The following OPHN1 variants were observed in gnomAD, a reference collection of about 807,000 sequenced individuals.
The protein encoded by OPHN1 is oligophrenin 1, also known as oligophrenin-1.
OPHN1 carries 11 observed loss-of-function variants against 60.7 expected under a neutral mutation model. The ratio of observed to expected loss-of-function variants is 0.18; its 90% CI spans 0.11 to 0.30. The LOEUF is 0.30. OPHN1 is among the 10% of genes least tolerant of loss of function. The pLI, the probability that OPHN1 is intolerant of heterozygous loss-of-function variation, is 1.00. For missense variants in OPHN1, 449 were observed against 611.0 expected (o/e 0.73, Z 2.80); for synonymous variants, 226 against 222.6 (o/e 1.02, Z -0.14).
At position 68,119,976 on chromosome X, in the gene OPHN1, T is replaced by C. The variant is rs181114197; in HGVS notation, c.1277-644A>G. On this transcript the variant is annotated intron_variant, in intron 15 of 24. Transcript: ENST00000355520. ...CTCAAGAGAAACTATTTTTACCAGA[T>C]CAAAACCTCCTGGAGTTTTATCAGA... is the stretch of plus-strand genomic sequence containing the variant. Among the ~76,000 whole-genome samples, 3 of 111,338 alleles carry C rather than the reference T, an allele frequency of 2.7e-5. No homozygotes were observed. In the East Asian group the frequency reaches 8.5e-4, roughly 31 times the overall value.
intron 4 of OPHN1, among the ~76,000 whole-genome samples, chrX:68,278,651 C>T (rs748578292): frequency 1.3e-4 from 15 of 113,219 alleles, no homozygotes; most frequent in African/African-American, 4.5e-4. Flanking sequence ...TTTGGGAGGC[C>T]AAGGCGGGTG....
intron 4 of OPHN1, among the ~76,000 whole-genome samples, chrX:68,281,492 T>C (rs1054502120): frequency 9.0e-6 from 1 of 111,150 alleles, no homozygotes; most frequent in African/African-American, 3.3e-5. Context: ...TAGGAGAAAA[T>C]CTGGGTGACC....
chrX:68,271,804 G>C (rs1452949673), intron 5 of OPHN1, among the ~76,000 whole-genome samples: 1 of 110,885 alleles, frequency 9.0e-6, no homozygotes, highest in Admixed American at 9.6e-5. Context: ...GGTAATAGCT[G>C]CATGATAACT....
At chrX:68,265,197 G>A (rs920808991) in intron 5 of OPHN1, among the ~76,000 whole-genome samples, 6 of 111,952 alleles carry the variant, frequency 5.4e-5, no homozygotes, top group African/African-American at 1.6e-4. Context: ...TTCCCAGCAC[G>A]CAGCTGGAGA....
chrX:68,098,666 A>C (rs1678174500), intron 18 of OPHN1, among the ~76,000 whole-genome samples: 1 of 111,812 alleles, frequency 8.9e-6, no homozygotes, highest in African/African-American at 3.3e-5. Context: ...TAACAGTTTC[A>C]ATACCCCTGC....
chrX:68,327,933 C>T (rs1213058979), intron 2 of OPHN1, among the ~76,000 whole-genome samples: 20 of 98,406 alleles, frequency 2.0e-4, no homozygotes, highest in East Asian at 3.2e-4. Context: ...GGGTTCACGC[C>T]ATTCTCCTGC....
In OPHN1 at chrX:68,043,760, C is replaced by A. The variant is rs1296067437; in HGVS notation, c.*3412G>T. The A allele has an allele frequency of 8.9e-6, 1 of 111,949 alleles. No individual in the cohort carries two copies. The highest frequency in any genetic ancestry group is 3.2e-5 in the African/African-American group (1 of 30,812). 9.2% of individuals were successfully genotyped at this position (111,949 alleles called of 1,213,427 possible). A position where few individuals can be genotyped will look rare whatever the true frequency, so the allele number is the denominator to read the frequency against. On this transcript the variant is annotated 3_prime_UTR_variant, in exon 25 of 25. Transcript: ENST00000355520. The stretch of plus-strand genomic sequence containing the variant: ...CTTCAAAAATAAAAATTCAATATTT[C>A]TTTTTGTAAGCCATCTCTTGATTTT...
At chrX:68,104,118 G>T (rs561549591) in intron 18 of OPHN1, among the ~76,000 whole-genome samples, 2 of 111,499 alleles carry the variant, frequency 1.8e-5, no homozygotes, top group South Asian at 7.6e-4. Flanking sequence ...GGACGTGAAG[G>T]GCCTCTTCAA....
chrX:68,122,953 G>A (rs960678881), intron 15 of OPHN1, among the ~76,000 whole-genome samples: 3 of 111,128 alleles, frequency 2.7e-5, no homozygotes, highest in Non-Finnish European at 5.7e-5. Context: ...TAGTATCAGC[G>A]ATATCAACTT....
intron 6 of OPHN1, among the ~76,000 whole-genome samples, chrX:68,233,007 C>T (rs2077735916): frequency 9.3e-6 from 1 of 107,746 alleles, no homozygotes; most frequent in South Asian, 4.2e-4. Context: ...CAGCTCACTG[C>T]AACCTCCGCC....
chrX:68,197,201 C>G lies in OPHN1; in HGVS notation c.1089G>C (p.Met363Ile). The G allele has an allele frequency of 1.7e-6, 2 of 1,208,743 alleles. No homozygotes were observed. Among genetic ancestry groups the G allele is most frequent in the Non-Finnish European group, 2.2e-6 (2 of 893,209 alleles). ...GGTAACTTACAGGTTCTTTCCCATC[C>G]ATGGCTTCCATCCATAGCCTTCTGT... ...EANRRLWMEA[M>I]DGKEPIYHSP... The change falls in exon 12 of 25, where the codon ATG (methionine) becomes ATC (isoleucine). Residue 363 changes from methionine to isoleucine, a missense_variant. By Grantham distance (10) the Met-to-Ile change is conservative. Coordinates refer to ENST00000355520, the MANE Select transcript of OPHN1 (RefSeq NM_002547.3).
chrX:68,379,113 C>A (rs2078579487), intron 2 of OPHN1, among the ~76,000 whole-genome samples: 1 of 110,664 alleles, frequency 9.0e-6, no homozygotes, highest in East Asian at 2.9e-4. Context: ...TTTCATTGAG[C>A]AGTGGTTTGT....
intron 5 of OPHN1, 37 bp from the exon 6 acceptor site, chrX:68,234,625 G>A (rs1357455223): frequency 3.0e-6 from 3 of 1,001,828 alleles, no homozygotes; most frequent in African/African-American, 3.7e-5. Flanking sequence ...TTAAATGTCT[G>A]TAGTTGTAAC....
chrX:68,048,370 G>C lies in OPHN1; in HGVS notation c.*8+46C>G, dbSNP rs953964028. Reference sequence around the variant, plus strand: ...CAAAATATCAGATCCCGTAATGAAGGCTTATGTGGAACAAGATTTTGTAAT... The same window carrying C: ...CAAAATATCAGATCCCGTAATGAAGCCTTATGTGGAACAAGATTTTGTAAT... On this transcript the variant is annotated intron_variant, in intron 24 of 24. Coordinates refer to ENST00000355520, the MANE Select transcript of OPHN1 (RefSeq NM_002547.3). 3 of 1,108,442 alleles carry C rather than the reference G, an allele frequency of 2.7e-6. No homozygotes were observed. In the African/African-American group the frequency reaches 5.4e-5, roughly 20 times the overall value. The allele number at this position is 1,108,442 out of a possible 1,213,427, so 91.3% of individuals were successfully genotyped here.
rs1009950719 is a variant in OPHN1, at chrX:68,205,685, A to G, written c.933+888T>C. Among the ~76,000 whole-genome samples the G allele has an allele frequency of 3.6e-5, 4 of 111,469 alleles. No individual in the cohort carries two copies. In the East Asian group the frequency reaches 1.1e-3, roughly 31 times the overall value. ...GCCACACAAGAGAGATCTTCCATGA[A>G]AAGGATCAGCAAGGGAGAGAAACTG... On this transcript the variant is annotated intron_variant, in intron 10 of 24. Transcript: ENST00000355520.
intron 3 of OPHN1, among the ~76,000 whole-genome samples, chrX:68,285,704 A>G (rs2078037977): frequency 9.1e-6 from 1 of 110,139 alleles, no homozygotes; most frequent in African/African-American, 3.3e-5. Flanking sequence ...ATTTTTCTCA[A>G]TCATTATTCT....
intron 2 of OPHN1, among the ~76,000 whole-genome samples, chrX:68,334,324 G>A (rs1157952153): frequency 8.9e-6 from 1 of 112,287 alleles, no homozygotes; most frequent in African/African-American, 3.2e-5. Context: ...CTTCCCCTAA[G>A]TCAAAGAAGT....
At chrX:68,321,301 T>C (rs1449825824) in intron 2 of OPHN1, among the ~76,000 whole-genome samples, 1 of 111,799 alleles carries the variant, frequency 8.9e-6, no homozygotes, top group Non-Finnish European at 1.9e-5. Flanking sequence ...CGAATGATTT[T>C]AGGAGTTGTA....
At chrX:68,248,951 G>T (rs924546688) in intron 5 of OPHN1, among the ~76,000 whole-genome samples, 1 of 111,947 alleles carries the variant, frequency 8.9e-6, no homozygotes, top group Non-Finnish European at 1.9e-5. Context: ...GGCTGGGAAA[G>T]GTAGTGGAGG....
Sources: allele counts gnomAD v4.1 joint callset (sites outside exome capture counted in the v4.1 genomes callset), GRCh38; gene constraint gnomAD v4.1.1; transcripts MANE v1.5; gene names NCBI Gene and HGNC (gene_info 2026-07-23, HGNC 2026-07-21).